The following RALYL variants were observed in gnomAD, a reference collection of about 807,000 sequenced individuals.
RALYL encodes RALY RNA binding protein like.
A neutral mutation model predicts 35.1 loss-of-function variants in RALYL; 29 were observed. That is an observed-to-expected ratio of 0.83 (90% CI 0.61 to 1.13). The LOEUF is 1.13. Among genes scored for constraint, RALYL ranks in the 50% most tolerant of loss-of-function variants. The pLI is 0.00. For synonymous variants in RALYL, 120 were observed against 127.6 expected, an observed-to-expected ratio of 0.94 and a Z score of 0.40; for missense variants, 359 against 360.4, an observed-to-expected ratio of 1.00 and a Z score of 0.03.
chr8:84,192,104 C>G (rs1047768422), intron 1 of RALYL, among the ~76,000 whole-genome samples: 2 of 152,158 alleles, frequency 1.3e-5, no homozygotes, highest in Non-Finnish European at 2.9e-5. Context: ...AGCCTCCTGA[C>G]GAGATGCCAT....
chr8:84,858,951 G>GTGTT (rs1837575254), intron 5 of RALYL, among the ~76,000 whole-genome samples: 1 of 152,098 alleles, frequency 6.6e-6, no homozygotes, highest in South Asian at 2.1e-4. Context: ...TTATGCCCTC[G>GTGTT]TGTTAGCCCA....
chr8:84,502,645 C>A (rs945594095), intron 1 of RALYL, among the ~76,000 whole-genome samples: 1 of 151,804 alleles, frequency 6.6e-6, no homozygotes, highest in Non-Finnish European at 1.5e-5. Context: ...GGTTATTTTT[C>A]TTCCTGTGTG....
intron 2 of RALYL, among the ~76,000 whole-genome samples, chr8:84,690,763 A>G (rs1364586599): frequency 6.6e-6 from 1 of 152,096 alleles, no homozygotes; most frequent in Non-Finnish European, 1.5e-5. Flanking sequence ...TCCATCTTTA[A>G]GTCTTATAGC....
chr8:84,513,742 A>C (rs375141543), intron 1 of RALYL, among the ~76,000 whole-genome samples: 9 of 152,244 alleles, frequency 5.9e-5, no homozygotes, highest in African/African-American at 1.7e-4. Context: ...TAAGATACAA[A>C]ATATAGAAGA....
At chr8:84,607,411 T>A (rs1040057676) in intron 2 of RALYL, among the ~76,000 whole-genome samples, 10 of 152,150 alleles carry the variant, frequency 6.6e-5, no homozygotes, top group African/African-American at 2.2e-4. Context: ...ATTTTTAAAC[T>A]GTGAGTTAGA....
rs568350194 is a variant in RALYL, at chr8:84,757,904, T to C, written c.257-16675T>C. Among the ~76,000 whole-genome samples the C allele has an allele frequency of 4.6e-5, 7 of 152,224 alleles. No individual in the cohort carries two copies. In the South Asian group the frequency reaches 1.0e-3, roughly 23 times the overall value. Reference sequence around the variant, plus strand: ...AAAAAACCTATTAATTAATCTGAGTTTCTGGCATGCTTTGTTCCATTAAGT... The same window carrying C: ...AAAAAACCTATTAATTAATCTGAGTCTCTGGCATGCTTTGTTCCATTAAGT... On this transcript the variant is annotated intron_variant, in intron 2 of 8. Coordinates refer to ENST00000521268, the MANE Select transcript of RALYL (RefSeq NM_173848.7).
intron 1 of RALYL, among the ~76,000 whole-genome samples, chr8:84,237,747 C>A (rs1563586312): frequency 6.6e-6 from 1 of 151,928 alleles, no homozygotes; most frequent in African/African-American, 2.4e-5. Flanking sequence ...GATTATGATT[C>A]CCAAATACAA....
chr8:84,768,656 C>T (rs1043786374), intron 2 of RALYL, among the ~76,000 whole-genome samples: 3 of 152,140 alleles, frequency 2.0e-5, no homozygotes, highest in Admixed American at 6.5e-5. Flanking sequence ...CCCAGCAAAG[C>T]GAGAGAAGTA....
At chr8:84,472,124 G>A (rs1047476326) in intron 1 of RALYL, among the ~76,000 whole-genome samples, 6 of 152,174 alleles carry the variant, frequency 3.9e-5, no homozygotes, top group African/African-American at 1.4e-4. Context: ...TTTCTCATCT[G>A]CTGCTTATCT....
intron 1 of RALYL, among the ~76,000 whole-genome samples, chr8:84,499,107 A>G (rs1211404330): frequency 1.4e-5 from 2 of 145,302 alleles, no homozygotes; most frequent in African/African-American, 5.1e-5. Context: ...TTTTTTTTTA[A>G]TTATTGATTC....
intron 2 of RALYL, among the ~76,000 whole-genome samples, chr8:84,672,857 G>A (rs1833528826): frequency 6.6e-6 from 1 of 152,094 alleles, no homozygotes; most frequent in Non-Finnish European, 1.5e-5. Context: ...AGGAGATTTG[G>A]GTGAGGGCAC....
intron 2 of RALYL, among the ~76,000 whole-genome samples, chr8:84,539,650 A>C (rs2059855682): frequency 1.3e-5 from 2 of 151,786 alleles, no homozygotes; most frequent in African/African-American, 4.8e-5. Context: ...TATTGGTTTT[A>C]CTATTCACAT....
chr8:84,472,999 T>A (rs1787480168), intron 1 of RALYL, among the ~76,000 whole-genome samples: 1 of 152,154 alleles, frequency 6.6e-6, no homozygotes, highest in Non-Finnish European at 1.5e-5. Flanking sequence ...TAGTACTCTG[T>A]CACTCAAAAG....
intron 1 of RALYL, among the ~76,000 whole-genome samples, chr8:84,251,605 G>C (rs891404640): frequency 1.3e-5 from 2 of 151,978 alleles, no homozygotes; most frequent in African/African-American, 4.8e-5. Flanking sequence ...TTGTCCTTGA[G>C]TGTACATTTC....
At chr8:84,209,831 G>T (rs934642723) in intron 1 of RALYL, among the ~76,000 whole-genome samples, 5 of 152,166 alleles carry the variant, frequency 3.3e-5, no homozygotes, top group Admixed American at 2.0e-4. Flanking sequence ...ACATGTGTAT[G>T]TGTACATGTG....
At chr8:84,496,266 A>T (rs929091530) in intron 1 of RALYL, among the ~76,000 whole-genome samples, 1 of 152,142 alleles carries the variant, frequency 6.6e-6, no homozygotes, top group African/African-American at 2.4e-5. Context: ...CCCCAGTCTC[A>T]TCTACATGTG....
chr8:84,493,309 T>C (rs2055563376), intron 1 of RALYL, among the ~76,000 whole-genome samples: 1 of 152,192 alleles, frequency 6.6e-6, no homozygotes, highest in African/African-American at 2.4e-5. Context: ...ATTTATCCAG[T>C]CTATTATTGA....
chr8:84,290,818 C>T (rs1262990135), intron 1 of RALYL, among the ~76,000 whole-genome samples: 1 of 152,168 alleles, frequency 6.6e-6, no homozygotes. Context: ...ATTCTGAAAG[C>T]TTCAGTGTTT....
At chr8:84,384,921 A>G (rs899101389) in intron 1 of RALYL, among the ~76,000 whole-genome samples, 2 of 151,812 alleles carry the variant, frequency 1.3e-5, no homozygotes, top group Non-Finnish European at 2.9e-5. Context: ...CCTCTACTCC[A>G]TTCCTTCTCC....
Sources: allele counts gnomAD v4.1 joint callset (sites outside exome capture counted in the v4.1 genomes callset), GRCh38; gene constraint gnomAD v4.1.1; transcripts MANE v1.5; gene names NCBI Gene and HGNC (gene_info 2026-07-23, HGNC 2026-07-21).